The following ARHGAP28 variants were observed in gnomAD, a reference collection of about 807,000 sequenced individuals.
ARHGAP28 encodes Rho GTPase activating protein 28, also known as rho GTPase-activating protein 28.
In ARHGAP28, 56 loss-of-function variants were observed where a neutral mutation model predicts 90.7. The observed-to-expected ratio is 0.62, with a 90% confidence interval of 0.50 to 0.77. ARHGAP28 has a LOEUF of 0.77. Among genes scored for constraint, ARHGAP28 ranks in the 30% least tolerant of loss-of-function variants. The probability of loss-of-function intolerance (pLI) is 0.00; values close to 1 mark genes in which losing one functional copy is unlikely to be tolerated. For missense variants in ARHGAP28, 869 were observed against 900.9 expected, an observed-to-expected ratio of 0.96 and a Z score of 0.45; for synonymous variants, 308 against 323.3, an observed-to-expected ratio of 0.95 and a Z score of 0.51.
intron 1 of ARHGAP28, among the ~76,000 whole-genome samples, chr18:6,822,611 C>G (rs2056633979): frequency 6.6e-6 from 1 of 152,114 alleles, no homozygotes; most frequent in Non-Finnish European, 1.5e-5. Flanking sequence ...TCAGACAAAA[C>G]TAGCTAAAAT....
intron 16 of ARHGAP28, chr18:6,897,076 T>C (rs1400193725): frequency 6.5e-6 from 1 of 153,938 alleles, no homozygotes; most frequent in Non-Finnish European, 1.4e-5. Context: ...CATGCCTGGC[T>C]AATATTTTTG....
At chr18:6,821,598 C>T (rs1408922453) in intron 1 of ARHGAP28, among the ~76,000 whole-genome samples, 2 of 152,182 alleles carry the variant, frequency 1.3e-5, no homozygotes, top group African/African-American at 4.8e-5. Context: ...ACATTTGTAT[C>T]TCTAACCAAA....
chr18:6,885,206 C>T (rs1231128574), intron 11 of ARHGAP28, among the ~76,000 whole-genome samples: 4 of 152,172 alleles, frequency 2.6e-5, no homozygotes, highest in African/African-American at 9.7e-5. Flanking sequence ...CTTCGTATGA[C>T]TTTGAAAGTG....
rs539534676 is a variant in ARHGAP28 at position 6,839,590 on chromosome 18, C to T, written c.543+2176C>T. 9.3e-4 allele frequency among the ~76,000 whole-genome samples: 141 copies of T among 152,300 alleles called. No homozygotes were observed. The Middle Eastern group carries it at 0.017, about 18-fold the overall frequency. The stretch of plus-strand genomic sequence containing the variant: ...GGGATTACAGGCGTGAGCCACTGCG[C>T]CCGGCCATAATTTTTTTAGATTAAG... On this transcript the variant is annotated intron_variant, in intron 3 of 17. Transcript: ENST00000383472.
intron 1 of ARHGAP28, among the ~76,000 whole-genome samples, chr18:6,761,898 A>G (rs1354118110): frequency 6.6e-6 from 1 of 152,132 alleles, no homozygotes; most frequent in East Asian, 1.9e-4. Context: ...TTGTTGGCAC[A>G]CTCTGTGGTT....
chr18:6,868,226 C>A lies in ARHGAP28; in HGVS notation c.803C>A (p.Ala268Glu). The change falls in exon 6 of 18, where the codon GCG (alanine) becomes GAG (glutamate). Residue 268 changes from alanine to glutamate, a missense_variant. Ala to Glu is a moderately radical substitution (Grantham distance 107, BLOSUM62 -1). Transcript: ENST00000383472. ...SPEPGQPVQN[A>E]ISDDDFLEKN... ...GAGCCTGGACAGCCAGTTCAGAATGCGATAAGTGGTGAGCGGCATGCCTCC... is the reference window on the plus strand; with the variant it reads ...GAGCCTGGACAGCCAGTTCAGAATGAGATAAGTGGTGAGCGGCATGCCTCC... 6.2e-7 allele frequency: 1 copy of A among 1,613,894 alleles called. No homozygotes were observed. The highest frequency in any genetic ancestry group is 8.5e-7 in the Non-Finnish European group (1 of 1,179,802).
chr18:6,848,006 A>G (rs2143211185), intron 3 of ARHGAP28, among the ~76,000 whole-genome samples: 1 of 152,254 alleles, frequency 6.6e-6, no homozygotes, highest in South Asian at 2.1e-4. Context: ...TAAGCCAAGG[A>G]GCCCCAGGTT....
At chr18:6,781,002 G>A (rs1481754316) in intron 1 of ARHGAP28, among the ~76,000 whole-genome samples, 1 of 151,976 alleles carries the variant, frequency 6.6e-6, no homozygotes, top group Non-Finnish European at 1.5e-5. Context: ...CTAACTCTGA[G>A]CCCCCACTTC....
At chr18:6,751,729 T>G (rs2056071466) in intron 1 of ARHGAP28, among the ~76,000 whole-genome samples, 1 of 152,240 alleles carries the variant, frequency 6.6e-6, no homozygotes, top group African/African-American at 2.4e-5. Context: ...GCAACAGCAG[T>G]TGCTCCCTGC....
intron 1 of ARHGAP28, among the ~76,000 whole-genome samples, chr18:6,799,261 T>C (rs1210558402): frequency 6.6e-6 from 1 of 152,132 alleles, no homozygotes; most frequent in East Asian, 1.9e-4. Flanking sequence ...GGAAAAACAT[T>C]CCATGCTCTT....
chr18:6,896,583 A>G lies in ARHGAP28; in HGVS notation c.1987A>G (p.Thr663Ala). 1 of 1,614,124 alleles carries G rather than the reference A, an allele frequency of 6.2e-7. No individual in the cohort carries two copies. The highest frequency in any genetic ancestry group is 2.2e-5 in the East Asian group (1 of 44,878). The change falls in exon 16 of 18, where the codon ACC (threonine) becomes GCC (alanine). Residue 663 changes from threonine to alanine, a missense_variant. Transcript: ENST00000383472. ...VSMAIQLNNQ[T>A]KAKDILAKFQ... ...CATGGCCATTCAACTCAACAATCAA[A>G]CCAAAGCCAAAGACATATTGGCAAA...
intron 1 of ARHGAP28, among the ~76,000 whole-genome samples, chr18:6,784,138 C>A (rs182741678): frequency 6.6e-6 from 1 of 152,054 alleles, no homozygotes; most frequent in Admixed American, 6.5e-5. Flanking sequence ...TCCCGGGAGC[C>A]CAGTCAAATC....
intron 5 of ARHGAP28, among the ~76,000 whole-genome samples, chr18:6,864,077 T>C (rs1314675277): frequency 6.6e-6 from 1 of 152,070 alleles, no homozygotes. Context: ...TATTTTATTT[T>C]ATTTTTGAGA....
At chr18:6,828,295 G>T (rs2056689853) in intron 2 of ARHGAP28, among the ~76,000 whole-genome samples, 1 of 152,186 alleles carries the variant, frequency 6.6e-6, no homozygotes, top group African/African-American at 2.4e-5. Context: ...AGCCGAGATG[G>T]CAGCAGTACA....
chr18:6,889,797 C>T, intron 12 of ARHGAP28, 91 bp from the exon 13 acceptor site: 1 of 1,194,572 alleles, frequency 8.4e-7, no homozygotes, highest in Admixed American at 1.7e-5. Flanking sequence ...AGTTCTCTGG[C>T]AGCAGAGTGA....
chr18:6,733,302 TTGTCCTGTTC>T, intron 1 of ARHGAP28, among the ~76,000 whole-genome samples: 2 of 152,178 alleles, frequency 1.3e-5, no homozygotes, highest in Non-Finnish European at 2.9e-5. Flanking sequence ...TTTGTCCATC[TTGTCCTGTTC>T]TGTTTTTGCT....
intron 1 of ARHGAP28, among the ~76,000 whole-genome samples, chr18:6,783,436 G>A (rs773377603): frequency 4.2e-5 from 6 of 144,056 alleles, no homozygotes; most frequent in Non-Finnish European, 8.8e-5. Flanking sequence ...CAAGTAGCTG[G>A]GATTACAGGC....
intron 5 of ARHGAP28, among the ~76,000 whole-genome samples, chr18:6,867,467 G>A (rs1276431402): frequency 6.6e-6 from 1 of 152,124 alleles, no homozygotes; most frequent in Non-Finnish European, 1.5e-5. Flanking sequence ...TAGGATTTGT[G>A]TGTAAATTTT....
At chr18:6,818,877 G>A (rs2056608751) in intron 1 of ARHGAP28, among the ~76,000 whole-genome samples, 1 of 152,210 alleles carries the variant, frequency 6.6e-6, no homozygotes, top group South Asian at 2.1e-4. Flanking sequence ...AGGACAGAAG[G>A]TGCTGAACCT....
Sources: gnomAD v4.1 joint callset for allele counts (sites outside exome capture counted in the v4.1 genomes callset) on GRCh38, gnomAD v4.1.1 for gene constraint, MANE v1.5 for transcripts, NCBI Gene and HGNC (gene_info 2026-07-23, HGNC 2026-07-21) for gene names.